EPG5: variants seen among roughly 807,000 people sequenced by gnomAD.
EPG5 encodes the protein ectopic P-granules 5 autophagy tethering factor.
In EPG5, 159 loss-of-function variants were observed where a neutral mutation model predicts 302.7. That is an observed-to-expected ratio of 0.53 (90% CI 0.46 to 0.60). EPG5 has a LOEUF of 0.60. Among genes scored for constraint, EPG5 ranks in the 20% least tolerant of loss-of-function variants. The pLI is 0.00. For missense variants in EPG5, 2,896 were observed against 3,092.4 expected, an observed-to-expected ratio of 0.94 and a Z score of 1.51; for synonymous variants, 1,158 against 1,136.8, an observed-to-expected ratio of 1.02 and a Z score of -0.37.
At chr18:45,828,404 T>TC in the EPG5 span, among the ~76,000 whole-genome samples, 2,846 of 151,786 alleles carry the variant, frequency 0.019, 101 homozygotes, top group African/African-American at 0.065. Flanking sequence ...CTCCTCCATC[T>TC]CCCCCCATAT....
intron 37 of EPG5, among the ~76,000 whole-genome samples, 182 bp from the exon 38 acceptor site, chr18:45,867,189 C>CA (rs2048764879): frequency 6.6e-6 from 1 of 152,126 alleles, no homozygotes; most frequent in African/African-American, 2.4e-5. Flanking sequence ...AAACTTTTGG[C>CA]AAAAACACAT....
chr18:45,823,075 AAT>A, the EPG5 span, among the ~76,000 whole-genome samples: 6 of 152,186 alleles, frequency 3.9e-5, no homozygotes, highest in Non-Finnish European at 8.8e-5. Context: ...TAGGCAGCCA[AAT>A]GAGACTGGGC....
At chr18:45,836,690 C>A in the EPG5 span, among the ~76,000 whole-genome samples, 1 of 152,256 alleles carries the variant, frequency 6.6e-6, no homozygotes, top group Non-Finnish European at 1.5e-5. Context: ...TCTGGTCTCT[C>A]AGCTCCCTCC....
chr18:45,940,129 C>G (rs1348444173), intron 9 of EPG5, among the ~76,000 whole-genome samples: 1 of 152,130 alleles, frequency 6.6e-6, no homozygotes, highest in Non-Finnish European at 1.5e-5. Context: ...TTGATAATGT[C>G]TGGAAAACAG....
In EPG5 at chr18:45,866,904, T is replaced by C; in HGVS notation, c.6515A>G (p.Tyr2172Cys). ...TTTTGCCAGGATGATGGACGGCGGG[T>C]AATGGCTGCTGAAATAACTTAGCAC... Reference protein sequence around the residue: ...QSVLSYFSSHYPPSIILAKES... With the variant: ...QSVLSYFSSHCPPSIILAKES... The change falls in exon 38 of 44, where the codon TAC becomes TGC. Residue 2172 changes from tyrosine (Y) to cysteine (C), a missense_variant. Transcript: ENST00000282041. The C allele has an allele frequency of 6.2e-7, 1 of 1,614,014 alleles. No homozygotes were observed. Among genetic ancestry groups the C allele is most frequent in the Non-Finnish European group, 8.5e-7 (1 of 1,179,918 alleles).
chr18:45,967,261 AC>A lies in EPG5; in HGVS notation c.-23del. Reference sequence around the variant, plus strand: ...CCATAGACCCTTCCGCGGCGCCGTCACCGTTTGTTTTTGTCAAACCCCTGCG... The same window carrying A: ...CCATAGACCCTTCCGCGGCGCCGTCACGTTTGTTTTTGTCAAACCCCTGCG... On this transcript the variant is annotated 5_prime_UTR_variant, in exon 1 of 44. Transcript: ENST00000282041. The A allele has an allele frequency of 6.4e-7, 1 of 1,572,906 alleles. No individual in the cohort carries two copies. Among genetic ancestry groups the A allele is most frequent in the Non-Finnish European group, 8.6e-7 (1 of 1,159,354 alleles).
At chr18:45,859,652 A>T (rs2048590677) in intron 40 of EPG5, among the ~76,000 whole-genome samples, 1 of 152,228 alleles carries the variant, frequency 6.6e-6, no homozygotes, top group South Asian at 2.1e-4. Context: ...TAATGCTTTA[A>T]AAGGTCTGAT....
At chr18:45,953,261 T>C (rs754433546) in intron 2 of EPG5, 42 of 979,316 alleles carry the variant, frequency 4.3e-5, no homozygotes, top group Non-Finnish European at 5.0e-5. Context: ...TTACCTTCTA[T>C]TTTATGAATA....
At chr18:45,816,820 T>C in the EPG5 span, among the ~76,000 whole-genome samples, 3 of 152,220 alleles carry the variant, frequency 2.0e-5, no homozygotes, top group African/African-American at 4.8e-5. Context: ...TGCACACGCA[T>C]GTTTATAGCA....
intron 43 of EPG5, among the ~76,000 whole-genome samples, chr18:45,854,444 G>C (rs2048473290): frequency 6.6e-6 from 1 of 152,210 alleles, no homozygotes; most frequent in Non-Finnish European, 1.5e-5. Context: ...GAATGGGAGA[G>C]GCCTGGAGCC....
chr18:45,864,482 T>C (rs1599439133), intron 39 of EPG5, among the ~76,000 whole-genome samples: 2 of 152,360 alleles, frequency 1.3e-5, no homozygotes, highest in South Asian at 4.1e-4. Flanking sequence ...TTTCAGCATA[T>C]AATAAAAATA....
At chr18:45,885,337 T>C (rs1360054071) in intron 29 of EPG5, among the ~76,000 whole-genome samples, 1 of 151,584 alleles carries the variant, frequency 6.6e-6, no homozygotes, top group Non-Finnish European at 1.5e-5. Flanking sequence ...AGATGCCGTC[T>C]CAATAAAGAA....
At chr18:45,838,921 C>T in the EPG5 span, 3 of 1,603,734 alleles carry the variant, frequency 1.9e-6, no homozygotes, top group Admixed American at 1.7e-5. Flanking sequence ...CCATGACGGC[C>T]GCTACACGTG....
intron 7 of EPG5, 78 bp downstream of exon 7, chr18:45,946,585 A>G: frequency 9.3e-7 from 1 of 1,075,426 alleles, no homozygotes; most frequent in South Asian, 1.3e-5. Context: ...TACTATGTGA[A>G]AAGTGCTTAG....
the EPG5 span, among the ~76,000 whole-genome samples, chr18:45,826,286 G>A: frequency 6.6e-6 from 1 of 152,188 alleles, no homozygotes; most frequent in Non-Finnish European, 1.5e-5. Context: ...CAGTGGGTGA[G>A]TGGGAACACT....
the EPG5 span, among the ~76,000 whole-genome samples, chr18:45,816,584 C>A: frequency 6.6e-6 from 1 of 152,146 alleles, no homozygotes; most frequent in Non-Finnish European, 1.5e-5. Context: ...TGCGATACCA[C>A]TTACATAATG....
At chr18:45,915,489 A>T (rs757005521) in intron 20 of EPG5, 22 bp downstream of exon 20, 3 of 1,492,454 alleles carry the variant, frequency 2.0e-6, no homozygotes, top group Non-Finnish European at 1.9e-6. Flanking sequence ...ATAACAAATG[A>T]TCCTCTCAGT....
chr18:45,885,573 TC>T (rs2010935045), intron 29 of EPG5, among the ~76,000 whole-genome samples: 1 of 152,126 alleles, frequency 6.6e-6, no homozygotes, highest in Non-Finnish European at 1.5e-5. Context: ...CAAGATGACG[TC>T]ATCTTGTTTT....
chr18:45,839,038 T>C, the EPG5 span: 291,760 of 1,556,420 alleles, frequency 0.19, 37,520 homozygotes, highest in African/African-American at 0.54. Flanking sequence ...CGCTCTCGGC[T>C]TCAAGGCGCT....
Sources: allele counts gnomAD v4.1 joint callset (sites outside exome capture counted in the v4.1 genomes callset), GRCh38; gene constraint gnomAD v4.1.1; transcripts MANE v1.5; gene names NCBI Gene and HGNC (gene_info 2026-07-23, HGNC 2026-07-21).